Variants in DBR1 observed in about 807,000 individuals in gnomAD.
DBR1 encodes lariat debranching enzyme.
Under a neutral mutation model 45.9 loss-of-function variants are expected in DBR1, and 33 were observed. The ratio of observed to expected loss-of-function variants is 0.72; its 90% CI spans 0.55 to 0.96. The LOEUF is 0.96. Among genes scored for constraint, DBR1 ranks in the 40% least tolerant of loss-of-function variants. DBR1 has a pLI of 0.00. For missense variants in DBR1, 619 were observed against 667.4 expected, an observed-to-expected ratio of 0.93 and a Z score of 0.80; for synonymous variants, 235 against 235.9, an observed-to-expected ratio of 1.00 and a Z score of 0.04.
At position 138,167,242 on chromosome 3, in the gene DBR1, T is replaced by A. The variant is rs755912348; in HGVS notation, c.553A>T (p.Asn185Tyr). Residue 185 changes from asparagine (N) to tyrosine (Y), a missense_variant, in exon 5 of 8, where the codon AAT becomes TAT. By Grantham distance (143) the Asn-to-Tyr change is moderately radical. Around this residue, in one of 3 missense-constraint regions of DBR1, gnomAD observed 430 missense variants for 447.7 expected, o/e 0.96. Coordinates refer to ENST00000260803, the MANE Select transcript of DBR1 (RefSeq NM_016216.4). ...DWPRSIYHYGNKKQLLKTKSF... is the reference protein window; with the variant it reads ...DWPRSIYHYGYKKQLLKTKSF... ...TTAGTCTTAAGAAGTTGCTTCTTAT[T>A]TCCATAATGATATATACTTCTTGGC... The A allele has an allele frequency of 1.9e-6, 3 of 1,613,610 alleles. No homozygotes were observed. Among genetic ancestry groups the A allele is most frequent in the African/African-American group, 2.7e-5 (2 of 74,864 alleles).
At chr3:138,162,675 AAAATAAGCCATCT>A in intron 7 of DBR1, 93 bp from the exon 8 acceptor site, 1 of 1,085,268 alleles carries the variant, frequency 9.2e-7, no homozygotes, top group East Asian at 2.4e-5. Flanking sequence ...GCAAGGATAA[AAAATAAGCCATCT>A]ATCAAAATTC....
intron 4 of DBR1, among the ~76,000 whole-genome samples, 162 bp from the exon 5 acceptor site, chr3:138,167,467 T>C (rs1358080663): frequency 6.6e-6 from 1 of 152,174 alleles, no homozygotes; most frequent in Non-Finnish European, 1.5e-5. Flanking sequence ...ATAAAAATAC[T>C]AGGCAACTCA....
chr3:138,162,945 A>G (rs750924053), intron 7 of DBR1, among the ~76,000 whole-genome samples: 10 of 152,212 alleles, frequency 6.6e-5, no homozygotes, highest in Admixed American at 4.6e-4. Flanking sequence ...TTCATTCAAC[A>G]ATAATTCCCT....
At chr3:138,172,963 T>C (rs2042961976) in intron 2 of DBR1, among the ~76,000 whole-genome samples, 1 of 151,934 alleles carries the variant, frequency 6.6e-6, no homozygotes. Context: ...CAGTTAAGTA[T>C]AATAACAGTA....
rs554320323 is a variant in DBR1, at chr3:138,174,733, C to T, written c.63G>A (p.Ala21=). 5.6e-6 allele frequency: 9 copies of T among 1,612,654 alleles called. No individual in the cohort carries two copies. The highest frequency in any genetic ancestry group is 6.8e-6 in the Non-Finnish European group (8 of 1,179,720). The change falls in exon 1 of 8, where the codon GCG becomes GCA. Residue 21 remains alanine (A), a synonymous_variant. Transcript: ENST00000260803. ...GELDKIYETL[A]LAERRGPGPV... is the part of the protein sequence containing the mutation. ...GCCCCGGGCCGCGCCGCTCTGCCAG[C>T]GCCAGCGTCTCATAGATCTTATCCA...
In DBR1 at chr3:138,174,867, C is replaced by G. The variant is rs2042972714; in HGVS notation, c.-72G>C. On this transcript the variant is annotated 5_prime_UTR_variant, in exon 1 of 8. Transcript: ENST00000260803. Reference sequence around the variant, plus strand: ...CAGCCAGCCCAGGACCGACTGATCGCTCAGCTCCCGCCAACTTTAATAAGT... The same window carrying G: ...CAGCCAGCCCAGGACCGACTGATCGGTCAGCTCCCGCCAACTTTAATAAGT... The G allele has an allele frequency of 6.8e-7, 1 of 1,461,000 alleles. No homozygotes were observed. Among genetic ancestry groups the G allele is most frequent in the South Asian group, 1.2e-5 (1 of 80,486 alleles). The allele number at this position is 1,461,000 out of a possible 1,614,324, so 90.5% of individuals were successfully genotyped here.
At chr3:138,174,110 G>A (rs558252690) in intron 1 of DBR1, among the ~76,000 whole-genome samples, 1 of 151,324 alleles carries the variant, frequency 6.6e-6, no homozygotes, top group East Asian at 1.9e-4. Context: ...CCTCAAGTCA[G>A]TGCCCGTTCA....
intron 7 of DBR1, 82 bp downstream of exon 7, chr3:138,163,266 CA>C: frequency 7.0e-7 from 1 of 1,430,984 alleles, no homozygotes. Flanking sequence ...GACCCTGTTT[CA>C]AAACAAAACA....
At chr3:138,164,065 T>C (rs1221645810) in intron 5 of DBR1, 11 of 384,452 alleles carry the variant, frequency 2.9e-5, no homozygotes, top group Non-Finnish European at 5.2e-5. Flanking sequence ...AGACCTTCAA[T>C]TTCCATACAA....
At position 138,171,676 on chromosome 3, in the gene DBR1, G is replaced by A. The variant is rs150586900; in HGVS notation, c.360C>T (p.Ile120=). ...ATTTAAAGATACCAGAGATTCCACCGATCCTTACACCTCGGTATTTTACCA... is the reference window on the plus strand; with the variant it reads ...ATTTAAAGATACCAGAGATTCCACCAATCCTTACACCTCGGTATTTTACCA... ...AGVVKYRGVR[I]GGISGIFKSH... is the part of the protein sequence containing the mutation. The change falls in exon 3 of 8, where the codon ATC becomes ATT. Residue 120 remains isoleucine (I), a synonymous_variant. Transcript: ENST00000260803. 2.9e-4 allele frequency: 474 copies of A among 1,613,330 alleles called. 1 individual carries two copies. The highest frequency in any genetic ancestry group is 1.2e-3 in the African/African-American group (93 of 74,912).
At position 138,162,003 on chromosome 3, in the gene DBR1, C is replaced by A; in HGVS notation, c.1521G>T (p.Lys507Asn). The A allele has an allele frequency of 6.2e-7, 1 of 1,614,110 alleles. No individual in the cohort carries two copies. Among genetic ancestry groups the A allele is most frequent in the East Asian group, 2.2e-5 (1 of 44,872 alleles). ...VESGNGEDLT[K>N]VPLKRLSDEH... ...CATCACTCAGCCTCTTCAATGGCAC[C>A]TTGGTTAAGTCCTCTCCATTCCCTG... is the stretch of plus-strand genomic sequence containing the variant. The change falls in exon 8 of 8, where the codon AAG (lysine) becomes AAT (asparagine). Residue 507 changes from lysine (K) to asparagine (N), a missense_variant. Physicochemically the swap from Lys to Asn is moderately conservative, Grantham distance 94 (BLOSUM62 0). Coordinates refer to ENST00000260803, the MANE Select transcript of DBR1 (RefSeq NM_016216.4).
intron 7 of DBR1, among the ~76,000 whole-genome samples, 193 bp from the exon 8 acceptor site, chr3:138,162,775 C>T (rs982207714): frequency 1.3e-5 from 2 of 152,160 alleles, no homozygotes; most frequent in Non-Finnish European, 2.9e-5. Context: ...CCATCTTTAA[C>T]TCATACTCCA....
At chr3:138,172,311 C>T (rs2042958799) in intron 2 of DBR1, among the ~76,000 whole-genome samples, 1 of 152,244 alleles carries the variant, frequency 6.6e-6, no homozygotes, top group African/African-American at 2.4e-5. Context: ...AAGCTGGGTG[C>T]GGTGGCTCAT....
chr3:138,163,849 T>TA lies in DBR1; in HGVS notation c.723dup (p.Lys242Ter). 4 of 1,611,610 alleles carry TA rather than the reference T, an allele frequency of 2.5e-6. No individual in the cohort carries two copies. The highest frequency in any genetic ancestry group is 3.4e-6 in the Non-Finnish European group (4 of 1,178,018). On this transcript the variant is annotated frameshift_variant, in exon 6 of 8. Transcript: ENST00000260803. LOFTEE classifies it high-confidence loss of function. ...TTGGTTGCTCTGGCTGTCTGTCCTTTATCCTTTGCCTGGACAATATGAATC... is the reference window on the plus strand; with the variant it reads ...TTGGTTGCTCTGGCTGTCTGTCCTTTAATCCTTTGCCTGGACAATATGAATC...
chr3:138,171,590 G>A (rs776298843), intron 3 of DBR1, 43 bp downstream of exon 3: 9 of 1,297,750 alleles, frequency 6.9e-6, no homozygotes, highest in South Asian at 4.7e-5. Flanking sequence ...TTACTCTGGG[G>A]CATGCAAGTT....
In DBR1 at chr3:138,173,584, G is replaced by A. The variant is rs2042964840; in HGVS notation, c.240C>T (p.Phe80=). The change falls in exon 2 of 8, where the codon TTC becomes TTT. Residue 80 remains phenylalanine (F), a synonymous_variant. Transcript: ENST00000260803. The part of the protein sequence containing the change: ...GEKKAPVLTL[F]IGGNHEASNH... ...TTGAGGCTTCATGGTTTCCCCCAAT[G>A]AAGAGCGTGAGAACTGGAGCCTTTT... is the stretch of plus-strand genomic sequence containing the variant. The A allele has an allele frequency of 6.2e-7, 1 of 1,613,694 alleles. No homozygotes were observed.
chr3:138,163,712 A>G, intron 6 of DBR1, 66 bp downstream of exon 6: 1 of 1,226,852 alleles, frequency 8.2e-7, no homozygotes, highest in Non-Finnish European at 1.1e-6. Flanking sequence ...TCCGAAAGGA[A>G]AATTATATTT....
chr3:138,166,755 G>A (rs1223319372), intron 5 of DBR1, among the ~76,000 whole-genome samples: 2 of 152,134 alleles, frequency 1.3e-5, no homozygotes, highest in Non-Finnish European at 2.9e-5. Flanking sequence ...GCACATGCCA[G>A]TCCCTCTAAA....
intron 3 of DBR1, 60 bp from the exon 4 acceptor site, chr3:138,170,252 GA>G: frequency 9.4e-7 from 1 of 1,063,344 alleles, no homozygotes; most frequent in Non-Finnish European, 1.4e-6. Context: ...CAAATACAAA[GA>G]CATATACACA....
Sources: allele counts gnomAD v4.1 joint callset (sites outside exome capture counted in the v4.1 genomes callset), GRCh38; gene constraint gnomAD v4.1.1; regional missense constraint gnomAD v4.1.1; transcripts MANE v1.5; gene names NCBI Gene and HGNC (gene_info 2026-07-23, HGNC 2026-07-21).